Variants in TFB2M observed in about 807,000 individuals in gnomAD.
TFB2M encodes transcription factor B2, mitochondrial.
Under a neutral mutation model 41.3 loss-of-function variants are expected in TFB2M, and 44 were observed. That is an observed-to-expected ratio of 1.07 (90% CI 0.84 to 1.37). TFB2M has a LOEUF of 1.37. Ranked by LOEUF, TFB2M falls within the 40% of genes most tolerant of loss-of-function variation. TFB2M has a pLI of 0.00. For synonymous variants in TFB2M, 188 were observed against 176.8 expected (o/e 1.06, Z -0.50); for missense variants, 496 against 490.2 (o/e 1.01, Z -0.11).
chr1:246,548,323 C>T (rs566539356), intron 6 of TFB2M, among the ~76,000 whole-genome samples: 2 of 152,230 alleles, frequency 1.3e-5, no homozygotes, highest in East Asian at 3.9e-4. Context: ...AACTCAGATT[C>T]TGTTTTTAAG....
chr1:246,559,635 G>C (rs946611331), intron 2 of TFB2M, among the ~76,000 whole-genome samples: 5 of 152,182 alleles, frequency 3.3e-5, no homozygotes, highest in African/African-American at 1.2e-4. Flanking sequence ...GGGAAAGACT[G>C]GGGGTGGAAA....
At chr1:246,542,035 T>C (rs1658871678) in intron 7 of TFB2M, among the ~76,000 whole-genome samples, 1 of 152,192 alleles carries the variant, frequency 6.6e-6, no homozygotes, top group Non-Finnish European at 1.5e-5. Context: ...TTAGGATATA[T>C]GGCATAGCCT....
chr1:246,561,380 A>G (rs1659451307), intron 2 of TFB2M, among the ~76,000 whole-genome samples: 1 of 152,142 alleles, frequency 6.6e-6, no homozygotes, highest in South Asian at 2.1e-4. Flanking sequence ...TGATATTCCT[A>G]TCATAATTAT....
At chr1:246,547,900 T>C (rs1236727045) in intron 6 of TFB2M, among the ~76,000 whole-genome samples, 4 of 151,846 alleles carry the variant, frequency 2.6e-5, no homozygotes, top group African/African-American at 4.8e-5. Context: ...AATCAAGAAG[T>C]ACCTATCAGT....
chr1:246,553,085 G>GCA (rs1295287356), intron 4 of TFB2M, among the ~76,000 whole-genome samples: 3 of 152,026 alleles, frequency 2.0e-5, no homozygotes, highest in African/African-American at 7.2e-5. Flanking sequence ...AGCTGGGCAT[G>GCA]GTGGCGCGTG....
intron 2 of TFB2M, among the ~76,000 whole-genome samples, chr1:246,562,699 G>A (rs550997090): frequency 6.6e-6 from 1 of 151,552 alleles, no homozygotes; most frequent in African/African-American, 2.4e-5. Context: ...TAGCTCAGTC[G>A]CCCAGGCTGC....
Position 246,557,535 on chromosome 1 carries a change from C to G in TFB2M, c.403-1G>C. On this transcript the variant is annotated splice_acceptor_variant, in intron 2 of 7. Transcript: ENST00000366514. LOFTEE classifies it high-confidence loss of function. ...TTCCATCCAGATTTTTTCCTAAGGACTAAAGAGAGACAAAGATAACACGTT... is the reference window on the plus strand; with the variant it reads ...TTCCATCCAGATTTTTTCCTAAGGAGTAAAGAGAGACAAAGATAACACGTT... 2 of 1,587,990 alleles carry G rather than the reference C, an allele frequency of 1.3e-6. No individual in the cohort carries two copies. Among genetic ancestry groups the G allele is most frequent in the Non-Finnish European group, 1.7e-6 (2 of 1,170,188 alleles).
At position 246,543,681 on chromosome 1, in the gene TFB2M, C is replaced by T. The variant is rs189530160; in HGVS notation, c.1019+840G>A. Reference sequence around the variant, plus strand: ...AGGTGCAGTGGCTCATGCCTGTAACCCCAGCACTTTGGGAGGCCAAGCAAG... The same window carrying T: ...AGGTGCAGTGGCTCATGCCTGTAACTCCAGCACTTTGGGAGGCCAAGCAAG... On this transcript the variant is annotated intron_variant, in intron 7 of 7. Coordinates refer to ENST00000366514, the MANE Select transcript of TFB2M (RefSeq NM_022366.3). Among the ~76,000 whole-genome samples, 669 of 152,314 alleles carry T rather than the reference C, an allele frequency of 4.4e-3. 6 individuals carry two copies. The highest frequency in any genetic ancestry group is 9.7e-3 in the South Asian group (47 of 4,826).
chr1:246,541,956 A>ATTTCATTGT (rs1658868622), intron 7 of TFB2M, among the ~76,000 whole-genome samples: 1 of 152,150 alleles, frequency 6.6e-6, no homozygotes, highest in African/African-American at 2.4e-5. Context: ...CTGTTAGGTG[A>ATTTCATTGT]TTTCATTGTT....
intron 7 of TFB2M, 59 bp from the exon 8 acceptor site, chr1:246,541,261 C>G: frequency 6.6e-7 from 1 of 1,522,828 alleles, no homozygotes; most frequent in Admixed American, 1.9e-5. Flanking sequence ...TATCAGTTCA[C>G]GGTGACAGAA....
chr1:246,556,439 C>A, intron 4 of TFB2M, 134 bp downstream of exon 4: 2 of 667,828 alleles, frequency 3.0e-6, no homozygotes, highest in Non-Finnish European at 4.6e-6. Context: ...GAGCATAAGA[C>A]TGCTCTGCAG....
At chr1:246,542,503 C>T (rs556834431) in intron 7 of TFB2M, among the ~76,000 whole-genome samples, 1 of 152,136 alleles carries the variant, frequency 6.6e-6, no homozygotes, top group Admixed American at 6.5e-5. Context: ...GAGACCCCAT[C>T]TCTACAAAAA....
chr1:246,558,157 C>T (rs1264294037), intron 2 of TFB2M, among the ~76,000 whole-genome samples: 3 of 141,032 alleles, frequency 2.1e-5, no homozygotes, highest in East Asian at 2.0e-4. Flanking sequence ...TATCTGTTTA[C>T]TTTTTTTTTT....
chr1:246,564,307 G>T, intron 2 of TFB2M, 39 bp downstream of exon 2: 2 of 1,571,522 alleles, frequency 1.3e-6, no homozygotes, highest in African/African-American at 1.3e-5. Flanking sequence ...ACAGATAGTT[G>T]AACAAACAAT....
chr1:246,544,864 G>A (rs1473688738), intron 6 of TFB2M, among the ~76,000 whole-genome samples, 183 bp from the exon 7 acceptor site: 1 of 152,038 alleles, frequency 6.6e-6, no homozygotes, highest in Non-Finnish European at 1.5e-5. Flanking sequence ...GGAGTACAAC[G>A]GCGTGATCTC....
chr1:246,548,461 C>A (rs1015355649), intron 6 of TFB2M, 84 bp downstream of exon 6: 15 of 1,149,914 alleles, frequency 1.3e-5, no homozygotes, highest in East Asian at 5.0e-5. Context: ...AAGTTAAATA[C>A]AGACTACCAA....
chr1:246,551,198 A>T lies in TFB2M; in HGVS notation c.795+15T>A. 1 of 1,606,268 alleles carries T rather than the reference A, an allele frequency of 6.2e-7. No individual in the cohort carries two copies. The highest frequency in any genetic ancestry group is 8.5e-7 in the Non-Finnish European group (1 of 1,173,614). ...GCTAAAGAAAAACGTTTTTAAACAG[A>T]AGGATTTTACTCACCATGTGCAGAA... On this transcript the variant is annotated intron_variant, in intron 5 of 7. Coordinates refer to ENST00000366514, the MANE Select transcript of TFB2M (RefSeq NM_022366.3).
chr1:246,544,722 T>G (rs1334499328), intron 6 of TFB2M, 41 bp from the exon 7 acceptor site: 4 of 1,549,152 alleles, frequency 2.6e-6, no homozygotes, highest in Non-Finnish European at 3.5e-6. Context: ...TCACAAAATA[T>G]TGCCAGAGTA....
chr1:246,562,980 C>T (rs748648323), intron 2 of TFB2M, among the ~76,000 whole-genome samples: 8 of 152,198 alleles, frequency 5.3e-5, no homozygotes, highest in East Asian at 1.9e-4. Context: ...TTTTAAAAGC[C>T]GGCCGGCAGA....
Sources: allele counts gnomAD v4.1 joint callset (sites outside exome capture counted in the v4.1 genomes callset), GRCh38; gene constraint gnomAD v4.1.1; transcripts MANE v1.5; gene names NCBI Gene and HGNC (gene_info 2026-07-23, HGNC 2026-07-21).